The following CLNK variants were observed in gnomAD, a reference collection of about 807,000 sequenced individuals.
The protein encoded by CLNK is cytokine-dependent hematopoietic cell linker.
In CLNK, 74 loss-of-function variants were observed where a neutral mutation model predicts 68.6. The observed-to-expected ratio is 1.08, with a 90% CI of 0.89 to 1.31. The LOEUF (loss-of-function observed/expected upper bound fraction) is 1.31, where lower values mean the gene tolerates loss of function less well. Ranked by LOEUF, CLNK falls within the 50% of genes most tolerant of loss-of-function variation. The pLI is 0.00. For synonymous variants in CLNK, 198 were observed against 172.2 expected, an observed-to-expected ratio of 1.15 and a Z score of -1.17; for missense variants, 553 against 515.3, an observed-to-expected ratio of 1.07 and a Z score of -0.71.
chr4:10,695,861 C>CTT, the CLNK span, among the ~76,000 whole-genome samples: 1 of 143,902 alleles, frequency 6.9e-6, no homozygotes, highest in East Asian at 2.0e-4. Flanking sequence ...ACAATTAGAG[C>CTT]TTTTTTTTTT....
chr4:10,581,381 G>A (rs906502380), intron 4 of CLNK, among the ~76,000 whole-genome samples: 1 of 152,076 alleles, frequency 6.6e-6, no homozygotes, highest in African/African-American at 2.4e-5. Context: ...AGGAGAGAGA[G>A]AGACTCAGTC....
chr4:10,573,583 G>T (rs1340942825), intron 4 of CLNK, among the ~76,000 whole-genome samples: 1 of 152,182 alleles, frequency 6.6e-6, no homozygotes, highest in African/African-American at 2.4e-5. Flanking sequence ...AGACCAGCTG[G>T]CCCGGAAGGA....
At chr4:10,509,266 A>G (rs1717460127) in intron 16 of CLNK, among the ~76,000 whole-genome samples, 1 of 152,144 alleles carries the variant, frequency 6.6e-6, no homozygotes, top group Non-Finnish European at 1.5e-5. Context: ...TGTTCACATG[A>G]TGTGATGGAC....
At chr4:10,502,332 G>A (rs1244798462) in intron 17 of CLNK, among the ~76,000 whole-genome samples, 1 of 151,982 alleles carries the variant, frequency 6.6e-6, no homozygotes, top group African/African-American at 2.4e-5. Context: ...GAAGGGAGAG[G>A]AGCCCCTTAT....
chr4:10,557,895 T>A (rs1719737900), intron 8 of CLNK, among the ~76,000 whole-genome samples: 1 of 152,232 alleles, frequency 6.6e-6, no homozygotes. Context: ...GAAGCTATAA[T>A]GGATACAATA....
At chr4:10,682,447 T>A (rs1725129810) in intron 1 of CLNK, among the ~76,000 whole-genome samples, 1 of 152,190 alleles carries the variant, frequency 6.6e-6, no homozygotes, top group Non-Finnish European at 1.5e-5. Context: ...TGCTTCTAGA[T>A]CTCTGTCTGC....
At chr4:10,558,583 A>G (rs947452096) in intron 7 of CLNK, 131 bp from the exon 8 acceptor site, 3 of 790,384 alleles carry the variant, frequency 3.8e-6, no homozygotes, top group South Asian at 1.7e-5. Flanking sequence ...TTTTCAATGT[A>G]TGGTTGGCTG....
chr4:10,590,636 A>G (rs1306233303), intron 3 of CLNK, among the ~76,000 whole-genome samples: 2 of 152,190 alleles, frequency 1.3e-5, no homozygotes, highest in Non-Finnish European at 1.5e-5. Context: ...TCTCATTTTA[A>G]GTTCACCCCC....
At chr4:10,682,603 T>G (rs1725135307) in intron 1 of CLNK, among the ~76,000 whole-genome samples, 1 of 152,172 alleles carries the variant, frequency 6.6e-6, no homozygotes, top group South Asian at 2.1e-4. Flanking sequence ...AACAGCTAAC[T>G]AAAGATCAGA....
At chr4:10,569,623 T>C (rs1720263322) in intron 5 of CLNK, among the ~76,000 whole-genome samples, 1 of 152,194 alleles carries the variant, frequency 6.6e-6, no homozygotes, top group African/African-American at 2.4e-5. Flanking sequence ...AACACTAGAC[T>C]GGCAGGAATG....
intron 1 of CLNK, among the ~76,000 whole-genome samples, chr4:10,677,846 T>TAAG (rs1054766414): frequency 1.3e-5 from 2 of 150,876 alleles, no homozygotes; most frequent in Admixed American, 1.3e-4. Flanking sequence ...GCAATAATAA[T>TAAG]AATAATAATA....
intron 2 of CLNK, among the ~76,000 whole-genome samples, chr4:10,642,099 T>C (rs1360468077): frequency 2.6e-5 from 4 of 152,190 alleles, no homozygotes; most frequent in Non-Finnish European, 5.9e-5. Flanking sequence ...ACCTAATGTA[T>C]GAGAAACAAA....
At chr4:10,515,422 A>T (rs1000265442) in intron 15 of CLNK, among the ~76,000 whole-genome samples, 1 of 152,066 alleles carries the variant, frequency 6.6e-6, no homozygotes. Context: ...AAACATGACA[A>T]GTTCATTCTC....
chr4:10,522,113 C>T (rs1667503993), intron 14 of CLNK, among the ~76,000 whole-genome samples: 1 of 151,636 alleles, frequency 6.6e-6, no homozygotes, highest in Non-Finnish European at 1.5e-5. Context: ...AAAAAATTAG[C>T]CGGGCATGGT....
chr4:10,606,187 A>G (rs1298458596), intron 2 of CLNK, among the ~76,000 whole-genome samples: 2 of 152,212 alleles, frequency 1.3e-5, no homozygotes, highest in Admixed American at 1.3e-4. Flanking sequence ...TTAATTTTAA[A>G]CTTTCAAAAT....
intron 2 of CLNK, among the ~76,000 whole-genome samples, chr4:10,616,778 ATGTG>A (rs62931362): frequency 1.3e-4 from 19 of 144,682 alleles, no homozygotes; most frequent in African/African-American, 4.5e-4. Context: ...GTGTGTATAT[ATGTG>A]TGTGTGTGTA....
At chr4:10,576,813 G>A (rs566641518) in intron 4 of CLNK, among the ~76,000 whole-genome samples, 1 of 152,352 alleles carries the variant, frequency 6.6e-6, no homozygotes, top group South Asian at 2.1e-4. Flanking sequence ...GAACCGCTAA[G>A]TTAGAAGCTC....
At chr4:10,615,054 T>C (rs754565894) in intron 2 of CLNK, among the ~76,000 whole-genome samples, 8 of 151,902 alleles carry the variant, frequency 5.3e-5, no homozygotes, top group Admixed American at 6.6e-5. Flanking sequence ...CTCATGGTGG[T>C]GCATACTTGT....
intron 11 of CLNK, among the ~76,000 whole-genome samples, chr4:10,533,349 GAA>G (rs1213990189): frequency 2.6e-5 from 4 of 152,232 alleles, no homozygotes; most frequent in African/African-American, 9.6e-5. Context: ...AAGAAACTAT[GAA>G]GGGAGTGGAG....
Sources: gnomAD v4.1 joint callset for allele counts (sites outside exome capture counted in the v4.1 genomes callset) on GRCh38, gnomAD v4.1.1 for gene constraint, MANE v1.5 for transcripts, NCBI Gene and HGNC (gene_info 2026-07-23, HGNC 2026-07-21) for gene names.